SEC14L2: variants seen among roughly 807,000 people sequenced by gnomAD.
SEC14L2 encodes the protein SEC14-like protein 2.
SEC14L2 carries 50 observed loss-of-function variants against 56.9 expected under a neutral mutation model. The observed-to-expected ratio is 0.88, with a 90% CI of 0.70 to 1.11. The LOEUF (loss-of-function observed/expected upper bound fraction) is 1.11, where lower values mean the gene tolerates loss of function less well. Among genes scored for constraint, SEC14L2 ranks in the 50% most tolerant of loss-of-function variants. The pLI is 0.00. For synonymous variants in SEC14L2, 179 were observed against 188.5 expected, an observed-to-expected ratio of 0.95 and a Z score of 0.41; for missense variants, 414 against 500.7, an observed-to-expected ratio of 0.83 and a Z score of 1.65.
intron 2 of SEC14L2, among the ~76,000 whole-genome samples, chr22:30,401,503 T>C (rs554851957): frequency 6.7e-6 from 1 of 150,334 alleles, no homozygotes; most frequent in African/African-American, 2.4e-5. Context: ...TTATTTTATA[T>C]TTTTATTTTT....
At chr22:30,397,707 C>T (rs1025868555) in intron 1 of SEC14L2, 2 of 368,016 alleles carry the variant, frequency 5.4e-6, no homozygotes, top group African/African-American at 2.1e-5. Context: ...GGAGGTTGGA[C>T]CAGATGATGT....
intron 8 of SEC14L2, among the ~76,000 whole-genome samples, chr22:30,414,218 G>A (rs1233231551): frequency 6.6e-6 from 1 of 152,164 alleles, no homozygotes; most frequent in Non-Finnish European, 1.5e-5. Flanking sequence ...AGCTGGACTG[G>A]GGGAAGAACT....
intron 1 of SEC14L2, among the ~76,000 whole-genome samples, chr22:30,399,038 C>T (rs1933841577): frequency 6.6e-6 from 1 of 152,160 alleles, no homozygotes; most frequent in Non-Finnish European, 1.5e-5. Context: ...TGCCTACTAT[C>T]ACGATTAGCT....
At chr22:30,399,509 A>C in intron 1 of SEC14L2, 134 bp from the exon 2 acceptor site, 6 of 390,966 alleles carry the variant, frequency 1.5e-5, no homozygotes, top group East Asian at 4.1e-5. Flanking sequence ...GCGAGACTCT[A>C]TCTCAAAAAA....
intron 2 of SEC14L2, among the ~76,000 whole-genome samples, chr22:30,403,729 C>T (rs538667753): frequency 1.4e-4 from 21 of 152,078 alleles, no homozygotes; most frequent in South Asian, 4.1e-4. Flanking sequence ...TCTGGCTGGG[C>T]GCGGTGGCTC....
intron 11 of SEC14L2, chr22:30,416,683 TGGTCCA>T: frequency 7.1e-7 from 1 of 1,418,356 alleles, no homozygotes; most frequent in Non-Finnish European, 9.2e-7. Flanking sequence ...GTCTGCTTTC[TGGTCCA>T]GGTCTAACTG....
chr22:30,406,941 G>A (rs549009734), intron 3 of SEC14L2, among the ~76,000 whole-genome samples, 154 bp from the exon 4 acceptor site: 9 of 152,174 alleles, frequency 5.9e-5, no homozygotes, highest in Admixed American at 2.0e-4. Flanking sequence ...TAGTAGGGAC[G>A]GGATTTTGCC....
chr22:30,397,081 C>A lies in SEC14L2; in HGVS notation c.-36C>A. 1.3e-6 allele frequency: 2 copies of A among 1,542,452 alleles called. No individual in the cohort carries two copies. The highest frequency in any genetic ancestry group is 2.5e-5 in the East Asian group (1 of 40,432). On this transcript the variant is annotated 5_prime_UTR_variant, in exon 1 of 12. Transcript: ENST00000615189. The stretch of plus-strand genomic sequence containing the variant: ...CCATCAGCTGCCGCACCCGCCGCCT[C>A]CCGCCCCCAAACCCCATCCCCGCGG...
At chr22:30,418,021 CCAGA>C (rs1486191992) in intron 11 of SEC14L2, among the ~76,000 whole-genome samples, 1 of 152,030 alleles carries the variant, frequency 6.6e-6, no homozygotes, top group Admixed American at 6.6e-5. Flanking sequence ...TAGCACCAGC[CCAGA>C]CAATGTCACC....
intron 7 of SEC14L2, among the ~76,000 whole-genome samples, chr22:30,410,385 T>C (rs541528438): frequency 4.6e-5 from 7 of 152,352 alleles, no homozygotes; most frequent in Admixed American, 2.6e-4. Flanking sequence ...AAGAGACCAT[T>C]TGATTATATC....
chr22:30,401,100 CTTTT>C (rs1362813122), intron 2 of SEC14L2, among the ~76,000 whole-genome samples: 1 of 151,156 alleles, frequency 6.6e-6, no homozygotes, highest in Admixed American at 6.6e-5. Context: ...ATTTTAATTT[CTTTT>C]TTTGAGACAG....
intron 8 of SEC14L2, among the ~76,000 whole-genome samples, chr22:30,413,391 T>C (rs1934304794): frequency 6.6e-6 from 1 of 152,088 alleles, no homozygotes; most frequent in East Asian, 1.9e-4. Flanking sequence ...AGTTCAGTTT[T>C]GCTGAAGTGG....
At chr22:30,402,879 G>A (rs1055565862) in intron 2 of SEC14L2, among the ~76,000 whole-genome samples, 1 of 151,184 alleles carries the variant, frequency 6.6e-6, no homozygotes, top group Non-Finnish European at 1.5e-5. Context: ...AGGAATTCAA[G>A]ACCAGCCTGG....
intron 8 of SEC14L2, 58 bp from the exon 9 acceptor site, chr22:30,415,700 TG>T: frequency 6.8e-7 from 1 of 1,469,312 alleles, no homozygotes; most frequent in Non-Finnish European, 9.5e-7. Context: ...ACTAGGGTTA[TG>T]GCGAAATCTT....
chr22:30,399,634 T>C lies in SEC14L2; in HGVS notation c.55-9T>C. The C allele has an allele frequency of 1.9e-6, 3 of 1,592,236 alleles. No homozygotes were observed. Among genetic ancestry groups the C allele is most frequent in the Non-Finnish European group, 2.6e-6 (3 of 1,165,830 alleles). On this transcript the variant is annotated splice_polypyrimidine_tract_variant and intron_variant, in intron 1 of 11. Coordinates refer to ENST00000615189, the MANE Select transcript of SEC14L2 (RefSeq NM_012429.5). ...GCCCTACCACTCACCCCGATGCCTC[T>C]CCCTACAGTTTCGGGAGAATGTCCA...
Position 30,422,302 on chromosome 22 carries a change from C to A in SEC14L2, c.1107C>A (p.Tyr369Ter). Residue 369 changes from tyrosine to a stop codon, truncating the protein, a stop_gained, in exon 12 of 12, where the codon TAC (tyrosine) becomes TAA (stop). Coordinates refer to ENST00000615189, the MANE Select transcript of SEC14L2 (RefSeq NM_012429.5). LOFTEE classifies it high-confidence loss of function. ...ATGTCCTGCGGTTTGACAACACCTACAGCTTCATTCATGCCAAGAAGGTCA... is the reference window on the plus strand; with the variant it reads ...ATGTCCTGCGGTTTGACAACACCTAAAGCTTCATTCATGCCAAGAAGGTCA... ...GIYVLRFDNT[Y>*]SFIHAKKVNF... The A allele has an allele frequency of 3.1e-6, 5 of 1,614,216 alleles. No homozygotes were observed. Among genetic ancestry groups the A allele is most frequent in the Non-Finnish European group, 4.2e-6 (5 of 1,180,030 alleles).
At chr22:30,408,199 C>T (rs190667866) in intron 5 of SEC14L2, among the ~76,000 whole-genome samples, 15 of 152,082 alleles carry the variant, frequency 9.9e-5, no homozygotes, top group Admixed American at 9.8e-4. Context: ...TATATGGGGA[C>T]CCAGTGAAAT....
rs1317887016 is a variant in SEC14L2, at chr22:30,415,812, G to A, written c.718G>A (p.Glu240Lys). Residue 240 changes from glutamate to lysine, a missense_variant, in exon 9 of 12, where the codon GAG becomes AAG. Coordinates refer to ENST00000615189, the MANE Select transcript of SEC14L2 (RefSeq NM_012429.5). Reference sequence around the variant, plus strand: ...TATCAGCCCTGACCAGGTGCCTGTGGAGTATGGGGGCACCATGACTGACCC... The same window carrying A: ...TATCAGCCCTGACCAGGTGCCTGTGAAGTATGGGGGCACCATGACTGACCC... ...KHISPDQVPVEYGGTMTDPDG... is the reference protein window; with the variant it reads ...KHISPDQVPVKYGGTMTDPDG... 6.2e-7 allele frequency: 1 copy of A among 1,614,182 alleles called. No homozygotes were observed. The highest frequency in any genetic ancestry group is 1.3e-5 in the African/African-American group (1 of 75,034).
At chr22:30,421,064 A>G (rs1934502551) in intron 11 of SEC14L2, 1 of 152,204 alleles carries the variant, frequency 6.6e-6, no homozygotes, top group South Asian at 2.1e-4. Flanking sequence ...TTGTCAGCAC[A>G]TACACTAAAA....
Sources: allele counts gnomAD v4.1 joint callset (sites outside exome capture counted in the v4.1 genomes callset), GRCh38; gene constraint gnomAD v4.1.1; transcripts MANE v1.5; gene names NCBI Gene and HGNC (gene_info 2026-07-23, HGNC 2026-07-21).